RBFOX1: variants seen among roughly 807,000 people sequenced by gnomAD.
The protein encoded by RBFOX1 is RNA binding protein fox-1 homolog 1.
A neutral mutation model predicts 57.7 loss-of-function variants in RBFOX1; 8 were observed. That is an observed-to-expected ratio of 0.14 (90% CI 0.08 to 0.25). The LOEUF is 0.25. Among genes scored for constraint, RBFOX1 ranks in the 10% least tolerant of loss-of-function variants. The probability of loss-of-function intolerance (pLI) is 1.00; values close to 1 mark genes in which losing one functional copy is unlikely to be tolerated. For missense variants in RBFOX1, 611 were observed against 548.5 expected (o/e 1.11, Z -1.14); for synonymous variants, 326 against 222.4 (o/e 1.47, Z -4.15).
chr16:5,741,307 A>T (rs997580900), intron 3 of RBFOX1, among the ~76,000 whole-genome samples: 1 of 152,178 alleles, frequency 6.6e-6, no homozygotes, highest in African/African-American at 2.4e-5. Flanking sequence ...CAATCCTGTC[A>T]CTTTCCAAGG....
At chr16:7,431,883 C>T (rs1269720643) in intron 4 of RBFOX1, among the ~76,000 whole-genome samples, 1 of 152,182 alleles carries the variant, frequency 6.6e-6, no homozygotes, top group Non-Finnish European at 1.5e-5. Context: ...AAAGACCTTT[C>T]CCCCACCATC....
At chr16:5,283,247 A>G (rs2063314373) in intron 1 of RBFOX1, among the ~76,000 whole-genome samples, 2 of 152,222 alleles carry the variant, frequency 1.3e-5, no homozygotes, top group African/African-American at 4.8e-5. Flanking sequence ...CTGCAGGGGC[A>G]GGGCACTCAT....
intron 3 of RBFOX1, among the ~76,000 whole-genome samples, chr16:6,923,176 C>T (rs987818371): frequency 6.6e-6 from 1 of 152,122 alleles, no homozygotes; most frequent in Non-Finnish European, 1.5e-5. Flanking sequence ...ATACCCTGGT[C>T]CCTGCTCCTG....
chr16:7,420,936 T>TAC lies in RBFOX1; in HGVS notation c.28-97210_28-97209insCA, dbSNP rs1180490727. Among the ~76,000 whole-genome samples, 1,084 of 144,270 alleles carry TAC rather than the reference T, an allele frequency of 7.5e-3. 8 individuals carry two copies. The highest frequency in any genetic ancestry group is 0.018 in the East Asian group (91 of 5,082). 94.6% of individuals were successfully genotyped at this position (144,270 alleles called of 152,430 possible). The stretch of plus-strand genomic sequence containing the variant: ...ACATATATATATATACACATATATA[T>TAC]ATACACACACACACACACACACACA... On this transcript the variant is annotated intron_variant, in intron 4 of 15. Coordinates refer to ENST00000550418, the MANE Select transcript of RBFOX1 (RefSeq NM_018723.4).
intron 2 of RBFOX1, among the ~76,000 whole-genome samples, chr16:6,616,430 A>AACT (rs2098141845): frequency 6.6e-6 from 1 of 151,566 alleles, no homozygotes; most frequent in African/African-American, 2.4e-5. Flanking sequence ...TAATCCCAAC[A>AACT]CTTCAGGAGG....
intron 3 of RBFOX1, among the ~76,000 whole-genome samples, chr16:7,040,486 G>A (rs768273721): frequency 6.6e-6 from 1 of 152,106 alleles, no homozygotes; most frequent in Non-Finnish European, 1.5e-5. Flanking sequence ...TAAAACTGAT[G>A]CATGCTCATT....
intron 3 of RBFOX1, among the ~76,000 whole-genome samples, chr16:6,947,116 G>A (rs1343045871): frequency 6.6e-6 from 1 of 152,142 alleles, no homozygotes. Context: ...GATAAGATCT[G>A]TTAAACTCTT....
intron 2 of RBFOX1, among the ~76,000 whole-genome samples, chr16:6,443,409 G>A (rs1230717027): frequency 3.3e-5 from 5 of 152,008 alleles, no homozygotes; most frequent in Non-Finnish European, 7.4e-5. Context: ...CCCCATCCTG[G>A]CCAAGCATGC....
intron 4 of RBFOX1, among the ~76,000 whole-genome samples, chr16:7,057,337 A>G (rs376976730): frequency 1.3e-5 from 2 of 152,202 alleles, no homozygotes; most frequent in South Asian, 4.1e-4. Flanking sequence ...GCCTCCCAGG[A>G]ATCAGAGCTT....
chr16:5,951,854 G>A (rs557588290), intron 4 of RBFOX1, among the ~76,000 whole-genome samples: 49 of 140,280 alleles, frequency 3.5e-4, no homozygotes, highest in East Asian at 2.7e-3. Context: ...GTGTGTGCGC[G>A]TGTGTGTGTG....
At position 5,575,636 on chromosome 16, in the gene RBFOX1, G is replaced by T. The variant is rs1386988124; in HGVS notation, c.259-23266G>T. On this transcript the variant is annotated intron_variant, in intron 2 of 2. Transcript: ENST00000585867. ...TCTCCGAAGCAAAGCTTCCAGAGGC[G>T]CATGAGACAGGCAGGAAAGTGCTAC... Among the ~76,000 whole-genome samples, 6 of 152,192 alleles carry T rather than the reference G, an allele frequency of 3.9e-5. No individual in the cohort carries two copies. The South Asian group carries it at 6.2e-4, about 16-fold the overall frequency.
At chr16:5,385,609 A>C (rs887621772) in intron 1 of RBFOX1, among the ~76,000 whole-genome samples, 11 of 152,172 alleles carry the variant, frequency 7.2e-5, no homozygotes, top group African/African-American at 2.7e-4. Context: ...TTATGTGCCA[A>C]AGTGACATGG....
At chr16:7,053,134 G>A (rs1182091445) in intron 4 of RBFOX1, among the ~76,000 whole-genome samples, 2 of 152,200 alleles carry the variant, frequency 1.3e-5, no homozygotes, top group Admixed American at 6.5e-5. Context: ...AATTTGTAGA[G>A]TTGCTTCCAT....
intron 3 of RBFOX1, among the ~76,000 whole-genome samples, chr16:7,017,064 C>A (rs1033237079): frequency 1.3e-5 from 2 of 151,944 alleles, no homozygotes; most frequent in Admixed American, 6.6e-5. Flanking sequence ...TTTATTGTTC[C>A]ATGTTGCTGT....
chr16:6,849,009 T>C (rs2141877518), intron 3 of RBFOX1, among the ~76,000 whole-genome samples: 1 of 152,286 alleles, frequency 6.6e-6, no homozygotes, highest in Admixed American at 6.5e-5. Flanking sequence ...CACGTTTAGG[T>C]AGTCCCACCA....
chr16:6,041,983 G>T (rs2095441179), intron 1 of RBFOX1, among the ~76,000 whole-genome samples: 1 of 152,012 alleles, frequency 6.6e-6, no homozygotes, highest in African/African-American at 2.4e-5. Context: ...TTCCTTACTT[G>T]TTCCAACTTC....
chr16:6,862,116 A>T (rs2059129283), intron 3 of RBFOX1, among the ~76,000 whole-genome samples: 1 of 152,188 alleles, frequency 6.6e-6, no homozygotes, highest in African/African-American at 2.4e-5. Flanking sequence ...CTTGGAAAGG[A>T]TGCTTCAGCA....
At chr16:6,866,836 C>A (rs943816583) in intron 3 of RBFOX1, among the ~76,000 whole-genome samples, 1 of 151,914 alleles carries the variant, frequency 6.6e-6, no homozygotes, top group Non-Finnish European at 1.5e-5. Context: ...GCCACCGCGC[C>A]CAGCTAAAGG....
chr16:7,213,429 A>G (rs778225227), intron 4 of RBFOX1, among the ~76,000 whole-genome samples: 2 of 152,192 alleles, frequency 1.3e-5, no homozygotes, highest in Non-Finnish European at 2.9e-5. Flanking sequence ...ATTGCCTGAC[A>G]TTAAAGATTC....
Sources: allele counts gnomAD v4.1 joint callset (sites outside exome capture counted in the v4.1 genomes callset), GRCh38; gene constraint gnomAD v4.1.1; transcripts MANE v1.5; gene names NCBI Gene and HGNC (gene_info 2026-07-23, HGNC 2026-07-21).